FIGN: variants seen among roughly 807,000 people sequenced by gnomAD.
FIGN encodes fidgetin, microtubule severing factor.
In FIGN, 11 loss-of-function variants were observed where a neutral mutation model predicts 51.3. That is an observed-to-expected ratio of 0.21 (90% confidence interval 0.13 to 0.35). The LOEUF (loss-of-function observed/expected upper bound fraction) is 0.35. Among genes scored for constraint, FIGN ranks in the 10% least tolerant of loss-of-function variants. FIGN has a pLI of 1.00. For synonymous variants in FIGN, 407 were observed against 363.2 expected, an observed-to-expected ratio of 1.12 and a Z score of -1.37; for missense variants, 857 against 943.6, an observed-to-expected ratio of 0.91 and a Z score of 1.20.
chr2:163,692,007 T>C (rs1460424313), intron 2 of FIGN, among the ~76,000 whole-genome samples: 1 of 152,208 alleles, frequency 6.6e-6, no homozygotes, highest in Non-Finnish European at 1.5e-5. Flanking sequence ...ATTTGTTTTG[T>C]TATGCCTAGG....
At chr2:163,679,358 T>C (rs771808981) in intron 2 of FIGN, among the ~76,000 whole-genome samples, 26 of 152,040 alleles carry the variant, frequency 1.7e-4, no homozygotes, top group Non-Finnish European at 3.2e-4. Flanking sequence ...TAGCCAGGCA[T>C]GGTGGCGGGC....
chr2:163,697,154 A>G lies in FIGN; in HGVS notation c.25+37749T>C, dbSNP rs1029529154. On this transcript the variant is annotated intron_variant, in intron 2 of 2. Transcript: ENST00000333129. ...TTCTCACTATTGTACAGGCTGGAGT[A>G]CAGTGGCAGGATTTTGACTCACTGC... 9.1e-5 allele frequency among the ~76,000 whole-genome samples: 12 copies of G among 131,692 alleles called. 1 individual carries two copies. The highest frequency in any genetic ancestry group is 6.9e-4 in the Admixed American group (8 of 11,532). 86.4% of individuals were successfully genotyped at this position (131,692 alleles called of 152,430 possible).
intron 2 of FIGN, among the ~76,000 whole-genome samples, chr2:163,714,782 C>A (rs1402238067): frequency 6.6e-6 from 1 of 152,180 alleles, no homozygotes; most frequent in East Asian, 1.9e-4. Flanking sequence ...ATCTTATACC[C>A]ATTAATTCCC....
chr2:163,616,663 T>G (rs1427020735), intron 2 of FIGN, among the ~76,000 whole-genome samples: 1 of 152,164 alleles, frequency 6.6e-6, no homozygotes, highest in African/African-American at 2.4e-5. Context: ...TACATTTCTT[T>G]GAGCTATTGC....
rs1222315220 is a variant in FIGN at position 163,676,470 on chromosome 2, TATATATATATATAA to T, written c.25+58419_25+58432del. 2.8e-3 allele frequency among the ~76,000 whole-genome samples: 289 copies of T among 104,948 alleles called. 10 individuals carry two copies. Among genetic ancestry groups the T allele is most frequent in the South Asian group, 0.01 (33 of 3,280 alleles). The allele number at this position is 104,948 out of a possible 152,430, so 68.8% of individuals were successfully genotyped here. A position where few individuals can be genotyped will look rare whatever the true frequency, so the allele number is the denominator to read the frequency against. ...ATATATATATATATATATATATATA[TATATATATATATAA>T]CTAGAGTCTGTGCACCCGAATCTGA... On this transcript the variant is annotated intron_variant, in intron 2 of 2. Transcript: ENST00000333129.
chr2:163,626,814 C>A (rs982766938), intron 2 of FIGN, among the ~76,000 whole-genome samples: 3 of 152,170 alleles, frequency 2.0e-5, no homozygotes, highest in African/African-American at 7.2e-5. Flanking sequence ...AAGAAGCCAG[C>A]CAAACCCACT....
Position 163,605,758 on chromosome 2 carries a change from A to G in FIGN, c.*3794T>C, listed in dbSNP as rs1691097729. On this transcript the variant is annotated 3_prime_UTR_variant, in exon 3 of 3. Transcript: ENST00000333129. ...GCTACCCAATTCTAAGAAACATGAG[A>G]ATGTGAGTACAGAAGTCTCTTTCTG... is the stretch of plus-strand genomic sequence containing the variant. 6.6e-6 allele frequency: 1 copy of G among 152,070 alleles called. No individual in the cohort carries two copies. The highest frequency in any genetic ancestry group is 2.1e-4 in the South Asian group (1 of 4,834). 9.4% of individuals were successfully genotyped at this position (152,070 alleles called of 1,614,324 possible).
intron 2 of FIGN, among the ~76,000 whole-genome samples, chr2:163,621,636 C>T (rs1396263801): frequency 6.6e-6 from 1 of 152,096 alleles, no homozygotes; most frequent in African/African-American, 2.4e-5. Flanking sequence ...CCCACCCTGC[C>T]CCCTTCTAGT....
At chr2:163,687,006 A>T (rs544760293) in intron 2 of FIGN, among the ~76,000 whole-genome samples, 70 of 147,080 alleles carry the variant, frequency 4.8e-4, no homozygotes, top group Non-Finnish European at 8.9e-4. Context: ...TATGTGTGAG[A>T]TTGTGTACAC....
At chr2:163,712,544 A>G (rs1198301188) in intron 2 of FIGN, among the ~76,000 whole-genome samples, 1 of 152,204 alleles carries the variant, frequency 6.6e-6, no homozygotes, top group African/African-American at 2.4e-5. Context: ...GAAAGATAAC[A>G]AGTGCTATTT....
Position 163,611,699 on chromosome 2 carries a change from G to C in FIGN, c.133C>G (p.His45Asp), listed in dbSNP as rs778814837. ...GCGTACTGATAGGTGCGCTGCAGAT[G>C]ACCTCTGTAGGCTTCAACTTTGTGG... is the stretch of plus-strand genomic sequence containing the variant. ...PAHKVEAYRG[H>D]LQRTYQYAWA... Residue 45 changes from histidine to aspartate, a missense_variant, in exon 3 of 3, where the codon CAT becomes GAT. His to Asp is a moderately conservative substitution (Grantham distance 81). Transcript: ENST00000333129. The C allele has an allele frequency of 9.9e-6, 16 of 1,614,192 alleles. No homozygotes were observed. Among genetic ancestry groups the C allele is most frequent in the Non-Finnish European group, 1.3e-5 (15 of 1,180,024 alleles).
intron 2 of FIGN, among the ~76,000 whole-genome samples, chr2:163,731,108 A>G (rs1157563096): frequency 1.3e-5 from 2 of 152,144 alleles, no homozygotes; most frequent in Non-Finnish European, 2.9e-5. Context: ...AAGGCATCCA[A>G]ACACTCACAC....
chr2:163,671,711 A>G (rs941513576), intron 2 of FIGN, among the ~76,000 whole-genome samples: 1 of 152,206 alleles, frequency 6.6e-6, no homozygotes, highest in African/African-American at 2.4e-5. Flanking sequence ...GATTTTTACT[A>G]TAAGCCAAAC....
chr2:163,667,232 C>A (rs1162545039), intron 2 of FIGN, among the ~76,000 whole-genome samples: 1 of 151,066 alleles, frequency 6.6e-6, no homozygotes, highest in South Asian at 2.1e-4. Context: ...TCTTTATCCC[C>A]AACATGTTTG....
chr2:163,669,209 T>C (rs1683836764), intron 2 of FIGN, among the ~76,000 whole-genome samples: 1 of 152,018 alleles, frequency 6.6e-6, no homozygotes, highest in African/African-American at 2.4e-5. Context: ...CAAACACTAC[T>C]TCAGCGTTTT....
chr2:163,669,031 T>C (rs1422720902), intron 2 of FIGN, among the ~76,000 whole-genome samples: 1 of 148,548 alleles, frequency 6.7e-6, no homozygotes, highest in Non-Finnish European at 1.5e-5. Flanking sequence ...TATATATATA[T>C]ATATACACTA....
chr2:163,728,711 T>C (rs1332897054), intron 2 of FIGN, among the ~76,000 whole-genome samples: 1 of 152,158 alleles, frequency 6.6e-6, no homozygotes, highest in Admixed American at 6.5e-5. Context: ...TAAAAGTCTG[T>C]AGGTGGTGAA....
chr2:163,612,322 A>AG (rs1691282660), intron 2 of FIGN: 1 of 985,292 alleles, frequency 1.0e-6, no homozygotes, highest in Non-Finnish European at 1.2e-6. Context: ...GATCACATCT[A>AG]GGATACCTCT....
intron 2 of FIGN, among the ~76,000 whole-genome samples, chr2:163,703,002 G>A (rs933585375): frequency 1.3e-5 from 2 of 150,008 alleles, no homozygotes; most frequent in Admixed American, 6.7e-5. Context: ...CAAGGTCTCC[G>A]CAAAATCTGC....
Sources: gnomAD v4.1 joint callset for allele counts (sites outside exome capture counted in the v4.1 genomes callset) on GRCh38, gnomAD v4.1.1 for gene constraint, MANE v1.5 for transcripts, NCBI Gene and HGNC (gene_info 2026-07-23, HGNC 2026-07-21) for gene names.